Variants in OTOGL observed in about 807,000 individuals in gnomAD.
OTOGL encodes the protein otogelin like.
OTOGL carries 285 observed loss-of-function variants against 318.5 expected under a neutral mutation model. That is an observed-to-expected ratio of 0.89 (90% confidence interval 0.81 to 0.99). The LOEUF (loss-of-function observed/expected upper bound fraction) is 0.99. Among genes scored for constraint, OTOGL ranks in the 50% least tolerant of loss-of-function variants. The pLI, the probability that OTOGL is intolerant of heterozygous loss-of-function variation, is 0.00. For synonymous variants in OTOGL, 987 were observed against 936.5 expected, an observed-to-expected ratio of 1.05 and a Z score of -0.99; for missense variants, 2,899 against 2,845.6, an observed-to-expected ratio of 1.02 and a Z score of -0.43.
intron 53 of OTOGL, 91 bp downstream of exon 53, chr12:80,366,728 A>G (rs1890566890): frequency 2.5e-6 from 1 of 401,934 alleles, no homozygotes; most frequent in Non-Finnish European, 3.9e-6. Context: ...CTCATTTTTG[A>G]GACACATACA....
chr12:80,261,818 C>A, intron 18 of OTOGL, 151 bp from the exon 19 acceptor site: 1 of 919,468 alleles, frequency 1.1e-6, no homozygotes, highest in Non-Finnish European at 1.5e-6. Flanking sequence ...AGCTTAATAT[C>A]GTTGTACTTT....
chr12:80,212,105 A>G, intron 4 of OTOGL, 108 bp downstream of exon 4: 3 of 1,126,286 alleles, frequency 2.7e-6, no homozygotes, highest in Non-Finnish European at 3.8e-6. Context: ...TAAAATGCTA[A>G]GAACAAGACA....
In OTOGL at chr12:80,355,224, C is replaced by CTTTTTTTTT. The variant is rs11343611; in HGVS notation, c.5594-508_5594-507insTTTTTTTTT. Among the ~76,000 whole-genome samples the CTTTTTTTTT allele has an allele frequency of 1.6e-3, 106 of 65,560 alleles. 3 individuals are homozygous for CTTTTTTTTT. The highest frequency in any genetic ancestry group is 2.6e-3 in the Non-Finnish European group (87 of 33,710). The allele number at this position is 65,560 out of a possible 152,430, so 43.0% of individuals were successfully genotyped here. On this transcript the variant is annotated intron_variant, in intron 46 of 58. Coordinates refer to ENST00000547103, the MANE Select transcript of OTOGL (RefSeq NM_001378609.3). The stretch of plus-strand genomic sequence containing the variant: ...ACTTTTTTCTTTTCTTTCTTTCTTT[C>CTTTTTTTTT]TTTTCTTTTTTTTTTTTTTTTTTTG...
At chr12:80,186,137 C>T (rs1036649856) in intron 1 of OTOGL, among the ~76,000 whole-genome samples, 13 of 152,200 alleles carry the variant, frequency 8.5e-5, no homozygotes, top group African/African-American at 2.9e-4. Context: ...TCACATCTCA[C>T]GCTCTCTGAA....
At chr12:80,128,687 C>A (rs914795633) in intron 1 of OTOGL, among the ~76,000 whole-genome samples, 1 of 152,206 alleles carries the variant, frequency 6.6e-6, no homozygotes, top group African/African-American at 2.4e-5. Context: ...GTAGGCTCCA[C>A]CTAGTTCGAG....
chr12:80,260,010 T>A (rs1409362932), intron 18 of OTOGL, among the ~76,000 whole-genome samples: 1 of 152,070 alleles, frequency 6.6e-6, no homozygotes, highest in East Asian at 1.9e-4. Flanking sequence ...ATTGTTTATC[T>A]GTCTGGTTTC....
At chr12:80,143,953 A>G (rs1184790239) in intron 1 of OTOGL, among the ~76,000 whole-genome samples, 1 of 152,148 alleles carries the variant, frequency 6.6e-6, no homozygotes, top group Non-Finnish European at 1.5e-5. Flanking sequence ...GGACTAATTT[A>G]CACTCAGAAA....
rs1206995065 is a variant in OTOGL at position 80,196,950 on chromosome 12, AC to A, written c.-19-12461del. On this transcript the variant is annotated intron_variant, in intron 1 of 58. Coordinates refer to ENST00000547103, the MANE Select transcript of OTOGL (RefSeq NM_001378609.3). Reference sequence around the variant, plus strand: ...CCATTTTATAATTCAGGAAAAGCCAACCAGTACTTAACATCAATACACACCT... The same window carrying A: ...CCATTTTATAATTCAGGAAAAGCCAACAGTACTTAACATCAATACACACCT... 2.6e-5 allele frequency among the ~76,000 whole-genome samples: 4 copies of A among 152,150 alleles called. 1 individual carries two copies. In the East Asian group the frequency reaches 7.7e-4, roughly 29 times the overall value.
intron 1 of OTOGL, chr12:80,131,937 A>T (rs1260004239): frequency 1.3e-5 from 2 of 152,220 alleles, no homozygotes; most frequent in Admixed American, 1.3e-4. Flanking sequence ...AAGTAGCAAG[A>T]ATAGAGTTTG....
At chr12:80,171,465 T>C (rs1161323358) in intron 1 of OTOGL, among the ~76,000 whole-genome samples, 3 of 152,210 alleles carry the variant, frequency 2.0e-5, no homozygotes, top group African/African-American at 7.2e-5. Context: ...ATTTGCACCA[T>C]TGCCAAATAT....
Position 80,366,655 on chromosome 12 carries a change from A to C in OTOGL, c.6331+18A>C, listed in dbSNP as rs768021211. ...TCTCTGTGGTAACTATGTCTTTTGT[A>C]ACTTTTAAATTATAAATGAATATCA... On this transcript the variant is annotated intron_variant, in intron 53 of 58. Coordinates refer to ENST00000547103, the MANE Select transcript of OTOGL (RefSeq NM_001378609.3). 1.6e-6 allele frequency: 2 copies of C among 1,242,068 alleles called. No homozygotes were observed. Among genetic ancestry groups the C allele is most frequent in the African/African-American group, 3.2e-5 (2 of 63,490 alleles). 76.9% of individuals were successfully genotyped at this position (1,242,068 alleles called of 1,614,324 possible). A position where few individuals can be genotyped will look rare whatever the true frequency, so the allele number is the denominator to read the frequency against.
intron 36 of OTOGL, 71 bp downstream of exon 36, chr12:80,328,815 G>A: frequency 1.4e-6 from 2 of 1,381,368 alleles, no homozygotes; most frequent in Non-Finnish European, 2.0e-6. Context: ...GAGGCAAGTG[G>A]TTGTAAACAG....
chr12:80,214,509 C>CT (rs1458323303), intron 4 of OTOGL, among the ~76,000 whole-genome samples: 2 of 152,178 alleles, frequency 1.3e-5, no homozygotes, highest in Non-Finnish European at 2.9e-5. Flanking sequence ...AAGTTGCAGG[C>CT]TTTCAGTGTG....
chr12:80,138,233 G>T (rs1002422775), intron 1 of OTOGL, among the ~76,000 whole-genome samples: 2 of 151,990 alleles, frequency 1.3e-5, no homozygotes, highest in Non-Finnish European at 1.5e-5. Flanking sequence ...AGAAAGAAAG[G>T]CTTAGAAGTA....
chr12:80,101,867 T>C (rs1293547377), intron 1 of OTOGL, among the ~76,000 whole-genome samples: 1 of 152,206 alleles, frequency 6.6e-6, no homozygotes, highest in Non-Finnish European at 1.5e-5. Flanking sequence ...GATGTCCTCA[T>C]TGTAATTAAA....
At chr12:80,244,553 C>G (rs1880694670) in intron 11 of OTOGL, among the ~76,000 whole-genome samples, 1 of 149,218 alleles carries the variant, frequency 6.7e-6, no homozygotes, top group African/African-American at 2.6e-5. Flanking sequence ...GCCACATTTT[C>G]TTAATCCAGT....
At chr12:80,249,476 C>CG (rs1020995503) in intron 11 of OTOGL, among the ~76,000 whole-genome samples, 2 of 151,352 alleles carry the variant, frequency 1.3e-5, no homozygotes, top group South Asian at 2.1e-4. Context: ...TTAGGCTGCT[C>CG]GGGGGTCAGG....
chr12:80,270,053 A>G, intron 22 of OTOGL, 49 bp from the exon 23 acceptor site: 1 of 1,415,338 alleles, frequency 7.1e-7, no homozygotes, highest in Non-Finnish European at 9.7e-7. Flanking sequence ...GGGAAAAAAA[A>G]AAAAACAACA....
At chr12:80,362,313 T>C (rs1890280487) in intron 52 of OTOGL, among the ~76,000 whole-genome samples, 1 of 152,188 alleles carries the variant, frequency 6.6e-6, no homozygotes, top group African/African-American at 2.4e-5. Context: ...GATTTCTGGA[T>C]TCTCTATTCT....
Sources: gnomAD v4.1 joint callset for allele counts (sites outside exome capture counted in the v4.1 genomes callset) on GRCh38, gnomAD v4.1.1 for gene constraint, MANE v1.5 for transcripts, NCBI Gene and HGNC (gene_info 2026-07-23, HGNC 2026-07-21) for gene names.